ATP10A: variants seen among roughly 807,000 people sequenced by gnomAD.
The protein encoded by ATP10A is ATPase phospholipid transporting 10A (putative), also known as phospholipid-transporting ATPase VA.
In ATP10A, 111 loss-of-function variants were observed where a neutral mutation model predicts 147.8. The observed-to-expected ratio is 0.75, with a 90% confidence interval of 0.64 to 0.88. The LOEUF (loss-of-function observed/expected upper bound fraction) is 0.88. Ranked by LOEUF, ATP10A falls within the 40% of genes least tolerant of loss-of-function variation. ATP10A has a pLI of 0.00. For synonymous variants in ATP10A, 875 were observed against 841.6 expected (o/e 1.04, Z -0.69); for missense variants, 1,927 against 1,959.0 (o/e 0.98, Z 0.31).
In ATP10A at chr15:25,727,068, T is replaced by A. The variant is rs1460820874; in HGVS notation, c.847+92A>T. On this transcript the variant is annotated intron_variant, in intron 4 of 20. Transcript: ENST00000555815. ...CGAGACTCGTCTCAAAAAAAAAAAA[T>A]GAAAAAGAAAAAAGAAAAGAAAACA... 2.9e-3 allele frequency: 1,856 copies of A among 641,670 alleles called. 14 individuals carry two copies. The highest frequency in any genetic ancestry group is 0.011 in the African/African-American group (439 of 41,370). The allele number at this position is 641,670 out of a possible 1,614,324, so 39.7% of individuals were successfully genotyped here. A position where few individuals can be genotyped will look rare whatever the true frequency, so the allele number is the denominator to read the frequency against.
At chr15:25,833,127 C>T (rs541831369) in intron 1 of ATP10A, among the ~76,000 whole-genome samples, 5 of 151,580 alleles carry the variant, frequency 3.3e-5, no homozygotes, top group Admixed American at 2.0e-4. Flanking sequence ...GGATTAGAGG[C>T]GGACATTACC....
At chr15:25,847,839 C>T (rs1893096080) in intron 1 of ATP10A, among the ~76,000 whole-genome samples, 1 of 151,852 alleles carries the variant, frequency 6.6e-6, no homozygotes, top group Non-Finnish European at 1.5e-5. Flanking sequence ...GCCATGTTTT[C>T]CAGGCTGGTA....
intron 2 of ATP10A, among the ~76,000 whole-genome samples, chr15:25,772,867 T>C (rs1286708198): frequency 6.6e-6 from 1 of 152,144 alleles, no homozygotes; most frequent in Admixed American, 6.5e-5. Context: ...ACAGACACAC[T>C]ACTGAAAAGG....
chr15:25,699,908 A>C (rs1474421482), intron 13 of ATP10A, among the ~76,000 whole-genome samples: 2 of 152,124 alleles, frequency 1.3e-5, no homozygotes, highest in Non-Finnish European at 2.9e-5. Flanking sequence ...AACAAGAATA[A>C]AAATTTATCA....
In ATP10A at chr15:25,711,877, C is replaced by T. The variant is rs189839617; in HGVS notation, c.2344+1797G>A. On this transcript the variant is annotated intron_variant, in intron 10 of 20. Coordinates refer to ENST00000555815, the MANE Select transcript of ATP10A (RefSeq NM_024490.4). ...CCCGACTGTGAGTTTGATTTTGAGT[C>T]GGAGGAGAGCATTGTGGATTGTCTT... Among the ~76,000 whole-genome samples the T allele has an allele frequency of 3.1e-3, 469 of 152,264 alleles. 4 individuals carry two copies. Among genetic ancestry groups the T allele is most frequent in the African/African-American group, 0.011 (449 of 41,570 alleles).
At chr15:25,678,083 T>C (rs1044717949), downstream of ATP10A, 1 of 151,640 alleles carries the variant, frequency 6.6e-6, no homozygotes, top group African/African-American at 2.4e-5. Flanking sequence ...AGTTGCTGAG[T>C]CCAGGCACCC....
intron 9 of ATP10A, among the ~76,000 whole-genome samples, chr15:25,714,986 A>G (rs1901698558): frequency 6.6e-6 from 1 of 150,732 alleles, no homozygotes; most frequent in Non-Finnish European, 1.5e-5. Flanking sequence ...ACACACACAC[A>G]CACACACACA....
At chr15:25,769,775 G>A (rs779142606) in intron 2 of ATP10A, among the ~76,000 whole-genome samples, 1 of 152,190 alleles carries the variant, frequency 6.6e-6, no homozygotes, top group Non-Finnish European at 1.5e-5. Context: ...AACCTGCACT[G>A]TGAGGGGTTG....
At chr15:25,718,126 G>T in intron 8 of ATP10A, 56 bp downstream of exon 8, 2 of 1,553,266 alleles carry the variant, frequency 1.3e-6, no homozygotes, top group Non-Finnish European at 1.8e-6. Context: ...AGCGGGGGAT[G>T]GTGAAAATGG....
intron 1 of ATP10A, among the ~76,000 whole-genome samples, chr15:25,841,215 G>A (rs990198825): frequency 1.2e-4 from 18 of 149,080 alleles, no homozygotes; most frequent in Middle Eastern, 3.5e-3. Context: ...AAGTTTTATC[G>A]TTTTACATTT....
At chr15:25,743,064 A>G (rs373173842) in intron 2 of ATP10A, among the ~76,000 whole-genome samples, 15 of 152,298 alleles carry the variant, frequency 9.8e-5, no homozygotes, top group African/African-American at 3.4e-4. Flanking sequence ...CTCTCTGTGC[A>G]CAGCGTAAGA....
intron 1 of ATP10A, among the ~76,000 whole-genome samples, chr15:25,811,908 C>T (rs944104372): frequency 3.3e-5 from 5 of 152,204 alleles, no homozygotes; most frequent in Non-Finnish European, 5.9e-5. Flanking sequence ...ACACCCACCC[C>T]GATGCCAGAG....
chr15:25,697,389 A>G (rs974536869), intron 13 of ATP10A, among the ~76,000 whole-genome samples: 2 of 152,240 alleles, frequency 1.3e-5, no homozygotes, highest in African/African-American at 4.8e-5. Flanking sequence ...CCATGATACA[A>G]TCCAAAACTT....
chr15:25,777,289 G>A (rs534480198), intron 2 of ATP10A, among the ~76,000 whole-genome samples: 107 of 152,202 alleles, frequency 7.0e-4, no homozygotes, highest in Non-Finnish European at 1.1e-3. Context: ...GCTCCACGGC[G>A]CTGCTGTCTA....
intron 3 of ATP10A, 65 bp downstream of exon 3, chr15:25,735,991 T>G: frequency 7.5e-7 from 1 of 1,334,456 alleles, no homozygotes. Context: ...ACTGAGAATG[T>G]GTAAACACCT....
intron 16 of ATP10A, 156 bp from the exon 17 acceptor site, chr15:25,683,642 C>T (rs935123025): frequency 5.9e-6 from 4 of 674,726 alleles, no homozygotes; most frequent in Admixed American, 2.8e-5. Flanking sequence ...TTGAGCCCTG[C>T]TGCTGGCCTC....
intron 2 of ATP10A, among the ~76,000 whole-genome samples, chr15:25,773,818 CCA>C (rs56751876): frequency 0.047 from 6,486 of 137,780 alleles, 154 homozygotes; most frequent in African/African-American, 0.074. Context: ...ACCTAAACAT[CCA>C]CACACACACA....
chr15:25,780,999 T>C lies in ATP10A; in HGVS notation c.654+20A>G. The C allele has an allele frequency of 6.2e-7, 1 of 1,612,076 alleles. No homozygotes were observed. The highest frequency in any genetic ancestry group is 8.5e-7 in the Non-Finnish European group (1 of 1,179,262). ...TGTGGCTGTAATGCCTGCAAGGCCC[T>C]GGAAACGTGGGTCACTTACAAGCTC... On this transcript the variant is annotated intron_variant, in intron 2 of 20. Transcript: ENST00000555815.
intron 2 of ATP10A, among the ~76,000 whole-genome samples, chr15:25,761,324 C>T (rs1199335930): frequency 6.6e-6 from 1 of 152,148 alleles, no homozygotes; most frequent in African/African-American, 2.4e-5. Context: ...AAAGACATAC[C>T]CGAGACTGGG....
Sources: allele counts gnomAD v4.1 joint callset (sites outside exome capture counted in the v4.1 genomes callset), GRCh38; gene constraint gnomAD v4.1.1; transcripts MANE v1.5; gene names NCBI Gene and HGNC (gene_info 2026-07-23, HGNC 2026-07-21).